The following RNF216 variants were observed in gnomAD, a reference collection of about 807,000 sequenced individuals.
The protein encoded by RNF216 is ring finger protein 216.
In RNF216, 72 loss-of-function variants were observed where a neutral mutation model predicts 110.8. The observed-to-expected ratio is 0.65, with a 90% CI of 0.54 to 0.79. The LOEUF (loss-of-function observed/expected upper bound fraction) is 0.79, where lower values mean the gene tolerates loss of function less well. Among genes scored for constraint, RNF216 ranks in the 30% least tolerant of loss-of-function variants. The pLI is 0.00. For missense variants in RNF216, 1,342 were observed against 1,141.2 expected, an observed-to-expected ratio of 1.18 and a Z score of -2.54; for synonymous variants, 495 against 407.5, an observed-to-expected ratio of 1.21 and a Z score of -2.59.
intron 13 of RNF216, among the ~76,000 whole-genome samples, chr7:5,702,349 G>A (rs1387878557): frequency 2.0e-5 from 3 of 151,838 alleles, no homozygotes; most frequent in African/African-American, 7.3e-5. Context: ...GAAATACAGG[G>A]GTAAAAAACT....
At chr7:5,711,284 G>C (rs961319409) in intron 13 of RNF216, among the ~76,000 whole-genome samples, 1 of 152,180 alleles carries the variant, frequency 6.6e-6, no homozygotes, top group African/African-American at 2.4e-5. Flanking sequence ...CTCATGAGGA[G>C]AAACAGTCAA....
At chr7:5,769,976 A>C (rs1796407671) in intron 1 of RNF216, among the ~76,000 whole-genome samples, 1 of 120,922 alleles carries the variant, frequency 8.3e-6, no homozygotes, top group Non-Finnish European at 1.6e-5. Context: ...CAGTGAGCTG[A>C]GATTGTGCCA....
At chr7:5,664,941 C>A (rs145945121) in intron 13 of RNF216, among the ~76,000 whole-genome samples, 261 of 152,310 alleles carry the variant, frequency 1.7e-3, no homozygotes, top group Non-Finnish European at 2.7e-3. Flanking sequence ...GGATTACAGG[C>A]GCCCGCCACC....
intron 13 of RNF216, among the ~76,000 whole-genome samples, chr7:5,677,698 G>C (rs997776218): frequency 6.6e-6 from 1 of 152,132 alleles, no homozygotes; most frequent in African/African-American, 2.4e-5. Flanking sequence ...TTCCAGTCCT[G>C]GCCTGACCTC....
At chr7:5,744,338 T>C (rs1036955029) in intron 3 of RNF216, among the ~76,000 whole-genome samples, 2 of 152,106 alleles carry the variant, frequency 1.3e-5, no homozygotes, top group Non-Finnish European at 2.9e-5. Flanking sequence ...TAGTAAGGCA[T>C]AGACAAAATG....
At chr7:5,760,442 G>A (rs1198297268) in intron 2 of RNF216, 3 of 387,960 alleles carry the variant, frequency 7.7e-6, no homozygotes, top group Non-Finnish European at 1.6e-5. Flanking sequence ...TTTGAACCCA[G>A]GAGGCGGAGC....
chr7:5,779,048 G>A lies in RNF216; in HGVS notation c.-70+2493C>T, dbSNP rs1203453805. 1.3e-5 allele frequency among the ~76,000 whole-genome samples: 2 copies of A among 152,210 alleles called. 1 individual carries two copies. Among genetic ancestry groups the A allele is most frequent in the Non-Finnish European group, 2.9e-5 (2 of 68,040 alleles). On this transcript the variant is annotated intron_variant, in intron 1 of 16. Transcript: ENST00000389902. ...CGTGAGCCACACCATTCCCAACTAT[G>A]TTCTATTATCTTTAACAATAATGCA...
chr7:5,729,739 G>T lies in RNF216; in HGVS notation c.1225-143C>A. 8.3e-6 allele frequency: 6 copies of T among 723,342 alleles called. No homozygotes were observed. The South Asian group carries it at 1.0e-4, about 12-fold the overall frequency. The allele number at this position is 723,342 out of a possible 1,614,324, so 44.8% of individuals were successfully genotyped here. On this transcript the variant is annotated intron_variant, in intron 6 of 16. Transcript: ENST00000389902. ...AGGAAGTTACCAGCCCTATAAGACA[G>T]ATGAGAAAACGGTGGCTCAGAGAGG...
intron 7 of RNF216, among the ~76,000 whole-genome samples, chr7:5,727,623 A>T (rs1351894190): frequency 5.9e-5 from 9 of 152,132 alleles, no homozygotes; most frequent in Non-Finnish European, 1.0e-4. Flanking sequence ...TCCTAGCTAC[A>T]TGGGAGGCTG....
At chr7:5,776,594 C>CAA (rs35304255) in intron 1 of RNF216, among the ~76,000 whole-genome samples, 3,219 of 62,106 alleles carry the variant, frequency 0.052, 191 homozygotes, top group East Asian at 0.093. Context: ...GACTCCGTCT[C>CAA]AAAAAAAAAA....
intron 13 of RNF216, among the ~76,000 whole-genome samples, chr7:5,708,886 C>T (rs1792474239): frequency 6.6e-6 from 1 of 152,094 alleles, no homozygotes; most frequent in Admixed American, 6.5e-5. Context: ...TTCCCCTGGA[C>T]CCAAAAAGCA....
At chr7:5,754,628 A>C (rs1223262225) in intron 2 of RNF216, among the ~76,000 whole-genome samples, 3 of 152,200 alleles carry the variant, frequency 2.0e-5, no homozygotes, top group Admixed American at 1.3e-4. Context: ...ACACCACTGA[A>C]AATGGCCATA....
chr7:5,700,590 A>C (rs922933106), intron 13 of RNF216, among the ~76,000 whole-genome samples: 2 of 152,240 alleles, frequency 1.3e-5, no homozygotes, highest in Admixed American at 6.5e-5. Context: ...AAGCCTGAGA[A>C]GCAATAGCTA....
chr7:5,779,489 C>A (rs1796956214), intron 1 of RNF216, among the ~76,000 whole-genome samples: 1 of 151,950 alleles, frequency 6.6e-6, no homozygotes, highest in Admixed American at 6.6e-5. Flanking sequence ...TTAAAGCAAG[C>A]CGACTAAATT....
At position 5,623,159 on chromosome 7, in the gene RNF216, C is replaced by T; in HGVS notation, c.2473G>A (p.Gly825Arg). The T allele has an allele frequency of 6.4e-7, 1 of 1,571,104 alleles. No individual in the cohort carries two copies. The highest frequency in any genetic ancestry group is 1.3e-5 in the African/African-American group (1 of 74,340). The change falls in exon 17 of 17, where the codon GGA (glycine) becomes AGA (arginine). Residue 825 changes from glycine (G) to arginine (R), a missense_variant. Transcript: ENST00000389902. ...TCCACAGGCTTCTCCAGCGGGGGTC[C>T]AATGCGTTTGAAGGTGTTCTCTGAA... The part of the protein sequence containing the change: ...KNGENTFKRI[G>R]PPLEKPVEKV...
At chr7:5,748,111 T>C (rs937138599) in intron 3 of RNF216, among the ~76,000 whole-genome samples, 1 of 152,182 alleles carries the variant, frequency 6.6e-6, no homozygotes, top group African/African-American at 2.4e-5. Context: ...AACTCTGATT[T>C]ACAACCCAGA....
rs747854533 is a variant in RNF216, at chr7:5,622,870, T to A, written c.2762A>T (p.His921Leu). 6.2e-7 allele frequency: 1 copy of A among 1,601,092 alleles called. No individual in the cohort carries two copies. The highest frequency in any genetic ancestry group is 1.1e-5 in the South Asian group (1 of 90,336). Residue 921 changes from histidine to leucine, a missense_variant, in exon 17 of 17, where the codon CAT becomes CTT. His to Leu is a moderately conservative substitution (Grantham distance 99, BLOSUM62 -3). Transcript: ENST00000389902. ...GGGGATTCGGGGCCATCAGAAGCGA[T>A]GCCGCGGCTGGGGGCCAAAGTGCAT... ...LPMHFGPQPR[H>L]RF
intron 7 of RNF216, among the ~76,000 whole-genome samples, chr7:5,728,235 C>T (rs1242769557): frequency 6.6e-6 from 1 of 152,118 alleles, no homozygotes; most frequent in Admixed American, 6.5e-5. Flanking sequence ...CTTGGTCTAC[C>T]TTAGGTTGCC....
intron 13 of RNF216, among the ~76,000 whole-genome samples, chr7:5,692,224 T>G (rs1318091088): frequency 6.6e-6 from 1 of 152,238 alleles, no homozygotes; most frequent in Non-Finnish European, 1.5e-5. Flanking sequence ...GTTGTTTATA[T>G]GTACACTGCC....
Sources: gnomAD v4.1 joint callset for allele counts (sites outside exome capture counted in the v4.1 genomes callset) on GRCh38, gnomAD v4.1.1 for gene constraint, MANE v1.5 for transcripts, NCBI Gene and HGNC (gene_info 2026-07-23, HGNC 2026-07-21) for gene names.